The following ASIC2 variants were observed in gnomAD, a reference collection of about 807,000 sequenced individuals.
ASIC2 encodes acid sensing ion channel subunit 2.
In ASIC2, 25 loss-of-function variants were observed where a neutral mutation model predicts 57.3. The ratio of observed to expected loss-of-function variants is 0.44; its 90% CI spans 0.32 to 0.61. The LOEUF is 0.61. Among genes scored for constraint, ASIC2 ranks in the 20% least tolerant of loss-of-function variants. The pLI is 0.06. For missense variants in ASIC2, 641 were observed against 738.1 expected, an observed-to-expected ratio of 0.87 and a Z score of 1.52; for synonymous variants, 319 against 307.5, an observed-to-expected ratio of 1.04 and a Z score of -0.39.
At chr17:34,063,041 C>T (rs1909029260) in intron 1 of ASIC2, among the ~76,000 whole-genome samples, 1 of 152,086 alleles carries the variant, frequency 6.6e-6, no homozygotes, top group African/African-American at 2.4e-5. Flanking sequence ...CACCCTAATA[C>T]CAAAACCAGG....
intron 1 of ASIC2, among the ~76,000 whole-genome samples, chr17:34,065,581 T>A (rs955270775): frequency 6.6e-6 from 1 of 152,170 alleles, no homozygotes; most frequent in Non-Finnish European, 1.5e-5. Context: ...ACACCTTTCT[T>A]TATGTGGCTT....
upstream of ASIC2, among the ~76,000 whole-genome samples, chr17:33,297,542 G>A (rs568945865): frequency 2.0e-4 from 31 of 152,186 alleles, no homozygotes; most frequent in African/African-American, 7.5e-4. Context: ...AAAATTCACT[G>A]GCCAGGTGCA....
intron 1 of ASIC2, among the ~76,000 whole-genome samples, chr17:33,428,677 G>A (rs1034029465): frequency 6.6e-6 from 1 of 152,120 alleles, no homozygotes; most frequent in Admixed American, 6.5e-5. Flanking sequence ...CCATAGCTTT[G>A]ACCCATGAAC....
At chr17:33,628,983 T>C (rs1906076287) in intron 1 of ASIC2, among the ~76,000 whole-genome samples, 1 of 152,138 alleles carries the variant, frequency 6.6e-6, no homozygotes, top group Admixed American at 6.5e-5. Flanking sequence ...GATGCGGCCG[T>C]TCTCCCCATC....
chr17:33,642,378 G>A (rs182503528), intron 1 of ASIC2, among the ~76,000 whole-genome samples: 1 of 152,296 alleles, frequency 6.6e-6, no homozygotes, highest in Admixed American at 6.5e-5. Flanking sequence ...TGCAGCAAAG[G>A]GCCCTTGAGT....
At chr17:33,436,995 A>T (rs954344707) in intron 1 of ASIC2, among the ~76,000 whole-genome samples, 1 of 150,258 alleles carries the variant, frequency 6.7e-6, no homozygotes, top group Non-Finnish European at 1.5e-5. Flanking sequence ...CCTCCCGAGT[A>T]GCTGGGACTA....
At position 33,256,155 on chromosome 17, in the gene ASIC2, C is replaced by T. The variant is rs781581236; in HGVS notation, c.708+35253G>A. On this transcript the variant is annotated intron_variant, in intron 1 of 9. Transcript: ENST00000225823. ...GTACAAAAAATCATATAGACAAGAT[C>T]GTTCTTTGAAAACTGAATACCACCA... Among the ~76,000 whole-genome samples, 6 of 152,090 alleles carry T rather than the reference C, an allele frequency of 3.9e-5. No individual in the cohort carries two copies. In the East Asian group the frequency reaches 7.7e-4, roughly 20 times the overall value.
At chr17:33,099,206 G>A (rs1472546596) in intron 2 of ASIC2, among the ~76,000 whole-genome samples, 3 of 151,834 alleles carry the variant, frequency 2.0e-5, no homozygotes, top group African/African-American at 4.8e-5. Flanking sequence ...TAGTGGAGAC[G>A]GGGTTTCTCC....
rs974276603 is a variant in ASIC2 at position 33,472,688 on chromosome 17, G to A, written c.556-360621C>T. Reference sequence around the variant, plus strand: ...CTTGGCAATGGAATGATTACTCCACGTTGGCTTCTGGCTGGATGGAGGTGC... The same window carrying A: ...CTTGGCAATGGAATGATTACTCCACATTGGCTTCTGGCTGGATGGAGGTGC... On this transcript the variant is annotated intron_variant, in intron 1 of 9. Coordinates refer to the ASIC2 transcript ENST00000359872. Among the ~76,000 whole-genome samples, 12 of 152,224 alleles carry A rather than the reference G, an allele frequency of 7.9e-5. 1 individual carries two copies. The highest frequency in any genetic ancestry group is 8.8e-5 in the Non-Finnish European group (6 of 68,018).
chr17:34,136,985 A>G (rs932245325), intron 1 of ASIC2, among the ~76,000 whole-genome samples: 2 of 151,884 alleles, frequency 1.3e-5, no homozygotes. Context: ...TGCTCTTTTC[A>G]CTTGTTATAT....
At chr17:33,751,801 T>C (rs1178370989) in intron 1 of ASIC2, among the ~76,000 whole-genome samples, 3 of 152,044 alleles carry the variant, frequency 2.0e-5, no homozygotes, top group Admixed American at 1.3e-4. Flanking sequence ...TCAGGGGAGC[T>C]GCAACAGCAA....
At chr17:33,385,850 G>A (rs1186467145) in intron 1 of ASIC2, among the ~76,000 whole-genome samples, 1 of 152,208 alleles carries the variant, frequency 6.6e-6, no homozygotes, top group Non-Finnish European at 1.5e-5. Context: ...GAGGCCAGGT[G>A]ATAACTGTGA....
chr17:33,667,385 C>G (rs898880536), intron 1 of ASIC2, among the ~76,000 whole-genome samples: 32 of 152,198 alleles, frequency 2.1e-4, no homozygotes, highest in African/African-American at 7.5e-4. Flanking sequence ...ACCCACACAA[C>G]GGAAGTGCAT....
chr17:34,019,945 TGATCTCCAGGTTCCAAGAGAATAAAACA>T (rs1246741049), intron 1 of ASIC2, among the ~76,000 whole-genome samples: 2 of 152,174 alleles, frequency 1.3e-5, no homozygotes, highest in Non-Finnish European at 2.9e-5. Flanking sequence ...CTTTATGGTA[TGATCTCCAGGTTCCAAGAGAATAAAACA>T]GAAGCTACAA....
intron 1 of ASIC2, among the ~76,000 whole-genome samples, chr17:33,261,285 C>T (rs888416020): frequency 2.6e-5 from 4 of 152,366 alleles, no homozygotes; most frequent in African/African-American, 9.6e-5. Flanking sequence ...TGTCTCCCAT[C>T]TTCCCCTCAT....
intron 1 of ASIC2, among the ~76,000 whole-genome samples, chr17:33,630,895 A>C (rs763963806): frequency 4.6e-5 from 7 of 152,224 alleles, no homozygotes; most frequent in Non-Finnish European, 8.8e-5. Context: ...TGCTATACAC[A>C]AAAGTATAAA....
At chr17:33,480,524 T>C (rs1567626033) in intron 1 of ASIC2, among the ~76,000 whole-genome samples, 2 of 151,818 alleles carry the variant, frequency 1.3e-5, no homozygotes, top group Admixed American at 1.3e-4. Context: ...AGCAGAGAAA[T>C]AGGGAAGCCA....
intron 1 of ASIC2, among the ~76,000 whole-genome samples, chr17:33,767,011 A>C (rs1910953926): frequency 6.6e-6 from 1 of 152,210 alleles, no homozygotes; most frequent in Non-Finnish European, 1.5e-5. Context: ...AAAAGAAACC[A>C]CACTGCTATT....
intron 1 of ASIC2, among the ~76,000 whole-genome samples, chr17:33,648,697 G>A (rs1906825530): frequency 6.6e-6 from 1 of 152,190 alleles, no homozygotes. Flanking sequence ...CCAGACCTAA[G>A]AAGAATGAAG....
Sources: allele counts gnomAD v4.1 joint callset (sites outside exome capture counted in the v4.1 genomes callset), GRCh38; gene constraint gnomAD v4.1.1; transcripts MANE v1.5; gene names NCBI Gene and HGNC (gene_info 2026-07-23, HGNC 2026-07-21).